The following EPB41 variants were observed in gnomAD, a reference collection of about 807,000 sequenced individuals.
EPB41 encodes the protein erythrocyte membrane protein band 4.1.
EPB41 carries 65 observed loss-of-function variants against 108.0 expected under a neutral mutation model. The observed-to-expected ratio is 0.60, with a 90% CI of 0.49 to 0.74. The LOEUF (loss-of-function observed/expected upper bound fraction) is 0.74, where lower values mean the gene tolerates loss of function less well. EPB41 is among the 30% of genes least tolerant of loss of function. The pLI, the probability that EPB41 is intolerant of heterozygous loss-of-function variation, is 0.00. For synonymous variants in EPB41, 336 were observed against 358.9 expected (o/e 0.94, Z 0.72); for missense variants, 875 against 1,037.0 (o/e 0.84, Z 2.15).
chr1:28,902,200 T>C (rs1292496812), intron 1 of EPB41: 1 of 985,260 alleles, frequency 1.0e-6, no homozygotes, highest in Admixed American at 6.1e-5. Flanking sequence ...TCCTTTCCAT[T>C]TGTCAGATCA....
At chr1:28,979,150 A>G (rs1478194810) in intron 1 of EPB41, among the ~76,000 whole-genome samples, 1 of 151,596 alleles carries the variant, frequency 6.6e-6, no homozygotes, top group Non-Finnish European at 1.5e-5. Context: ...CCTCACAGAA[A>G]GGCTGTGATA....
intron 16 of EPB41, among the ~76,000 whole-genome samples, chr1:29,087,681 A>G (rs566782523): frequency 6.6e-6 from 1 of 152,264 alleles, no homozygotes; most frequent in African/African-American, 2.4e-5. Flanking sequence ...TTTTAATAAT[A>G]TCTGGAATTC....
At chr1:29,064,385 A>C (rs1270203681) in intron 15 of EPB41, among the ~76,000 whole-genome samples, 2 of 152,216 alleles carry the variant, frequency 1.3e-5, no homozygotes, top group East Asian at 3.8e-4. Flanking sequence ...TTTCAGTAAT[A>C]AATTCTTACA....
At chr1:29,023,760 A>C (rs911107828) in intron 7 of EPB41, among the ~76,000 whole-genome samples, 2 of 152,002 alleles carry the variant, frequency 1.3e-5, no homozygotes, top group African/African-American at 4.8e-5. Context: ...AAGAGAATAA[A>C]GAGGTCCTGA....
intron 1 of EPB41, among the ~76,000 whole-genome samples, chr1:28,967,572 C>T (rs1399893964): frequency 6.6e-6 from 1 of 151,868 alleles, no homozygotes; most frequent in Non-Finnish European, 1.5e-5. Flanking sequence ...TTTCTTTCTC[C>T]CCCTTCATTT....
In EPB41 at chr1:28,887,256, A is replaced by G. The variant is rs888877041; in HGVS notation, c.-8+46A>G. On this transcript the variant is annotated intron_variant, in intron 1 of 16. Transcript: ENST00000347529. The surrounding 1 kb of genome is among the most constrained non-coding windows in gnomAD (Gnocchi z 4.9). ...GGGCGACCCTCGGTCCCCGGGAGGGACGGGGTTAGGGACAGAAGAACCTAC... is the reference window on the plus strand; with the variant it reads ...GGGCGACCCTCGGTCCCCGGGAGGGGCGGGGTTAGGGACAGAAGAACCTAC... 3.2e-5 allele frequency: 41 copies of G among 1,276,918 alleles called. No homozygotes were observed. Among genetic ancestry groups the G allele is most frequent in the Non-Finnish European group, 4.1e-5 (40 of 983,614 alleles). 79.1% of individuals were successfully genotyped at this position (1,276,918 alleles called of 1,614,324 possible).
intron 16 of EPB41, chr1:29,069,240 T>C (rs1385722312): frequency 1.5e-5 from 19 of 1,231,570 alleles, no homozygotes; most frequent in Non-Finnish European, 1.8e-5. Flanking sequence ...TCCAAACTGA[T>C]CAGAGAAGGC....
At chr1:28,969,903 AAAAC>A (rs372402669) in intron 1 of EPB41, among the ~76,000 whole-genome samples, 1 of 152,160 alleles carries the variant, frequency 6.6e-6, no homozygotes, top group African/African-American at 2.4e-5. Context: ...TCTGTCTCAA[AAAAC>A]AAACAAACAA....
chr1:29,021,077 C>A (rs2096638464), intron 7 of EPB41, among the ~76,000 whole-genome samples: 1 of 152,098 alleles, frequency 6.6e-6, no homozygotes, highest in Admixed American at 6.5e-5. Flanking sequence ...AGTTATTGTG[C>A]ATCTATTATT....
At chr1:28,912,713 T>A (rs1401757761), upstream of EPB41, among the ~76,000 whole-genome samples, 2 of 151,716 alleles carry the variant, frequency 1.3e-5, no homozygotes, top group Non-Finnish European at 2.9e-5. Context: ...ACCTCCTGGG[T>A]TCAAGTGATT....
intron 11 of EPB41, among the ~76,000 whole-genome samples, chr1:29,051,086 C>CTTTTTTTTTTTTTTTTTT (rs1644409619): frequency 1.7e-5 from 1 of 57,248 alleles, no homozygotes; most frequent in Admixed American, 2.1e-4. Context: ...TTTTCTTTTT[C>CTTTTTTTTTTTTTTTTTT]TGTTTTTTTT....
chr1:29,091,704 A>G (rs148322802), intron 16 of EPB41, among the ~76,000 whole-genome samples: 1 of 152,352 alleles, frequency 6.6e-6, no homozygotes, highest in Non-Finnish European at 1.5e-5. Context: ...CTTGTCAAGA[A>G]TAATTGCTGT....
chr1:29,051,601 A>T (rs1344318874), intron 11 of EPB41, among the ~76,000 whole-genome samples: 1 of 152,180 alleles, frequency 6.6e-6, no homozygotes, highest in Non-Finnish European at 1.5e-5. Flanking sequence ...AATTGATTAA[A>T]ATATAAGAGT....
intron 1 of EPB41, among the ~76,000 whole-genome samples, chr1:28,980,675 C>A (rs1445734085): frequency 6.6e-6 from 1 of 151,766 alleles, no homozygotes; most frequent in Non-Finnish European, 1.5e-5. Context: ...CGAGATTGTG[C>A]CACTGCACTC....
At chr1:29,082,503 T>C (rs1468341523) in intron 16 of EPB41, among the ~76,000 whole-genome samples, 1 of 152,224 alleles carries the variant, frequency 6.6e-6, no homozygotes, top group Non-Finnish European at 1.5e-5. Flanking sequence ...CTGAGACTTC[T>C]GTGAAATCCA....
intron 1 of EPB41, among the ~76,000 whole-genome samples, chr1:28,915,726 A>T (rs1484549866): frequency 5.9e-4 from 52 of 88,688 alleles, no homozygotes; most frequent in South Asian, 1.1e-3. Context: ...TTTTTTTTTC[A>T]GATGCTTTTT....
intron 1 of EPB41, among the ~76,000 whole-genome samples, chr1:28,904,701 C>T (rs898985314): frequency 5.3e-5 from 8 of 151,594 alleles, no homozygotes; most frequent in African/African-American, 1.9e-4. Context: ...AGTTTGAGGC[C>T]AGCCTAGCCA....
intron 1 of EPB41, among the ~76,000 whole-genome samples, chr1:28,895,092 G>A (rs942047318): frequency 3.9e-5 from 6 of 152,080 alleles, no homozygotes; most frequent in Non-Finnish European, 7.4e-5. Context: ...GTAAAGTAGG[G>A]TTATTAAAAG....
chr1:29,097,794 T>C lies in EPB41; in HGVS notation c.2185-13T>C. ...AGAAATACTCTAGTAACTCTTTCCTTACTGCTTCACAGCCTCCCCTGGTGA... is the reference window on the plus strand; with the variant it reads ...AGAAATACTCTAGTAACTCTTTCCTCACTGCTTCACAGCCTCCCCTGGTGA... On this transcript the variant is annotated splice_polypyrimidine_tract_variant and intron_variant, in intron 16 of 20. Transcript: ENST00000343067. 6.2e-7 allele frequency: 1 copy of C among 1,613,876 alleles called. No homozygotes were observed. Among genetic ancestry groups the C allele is most frequent in the Non-Finnish European group, 8.5e-7 (1 of 1,179,748 alleles).
Sources: gnomAD v4.1 joint callset for allele counts (sites outside exome capture counted in the v4.1 genomes callset) on GRCh38, gnomAD v4.1.1 for gene constraint, Gnocchi (gnomAD v3.1) non-coding constraint, MANE v1.5 for transcripts, NCBI Gene and HGNC (gene_info 2026-07-23, HGNC 2026-07-21) for gene names.